Variants in PATL2 observed in about 807,000 individuals in gnomAD.
PATL2 encodes the protein protein PAT1 homolog 2.
A neutral mutation model predicts 77.0 loss-of-function variants in PATL2; 73 were observed. The observed-to-expected ratio is 0.95, with a 90% CI of 0.78 to 1.15. The LOEUF (loss-of-function observed/expected upper bound fraction) is 1.15. PATL2 is among the 50% of genes most tolerant of loss of function. The probability of loss-of-function intolerance (pLI) is 0.00; values close to 1 mark genes in which losing one functional copy is unlikely to be tolerated. For missense variants in PATL2, 618 were observed against 655.4 expected, an observed-to-expected ratio of 0.94 and a Z score of 0.62; for synonymous variants, 265 against 257.1, an observed-to-expected ratio of 1.03 and a Z score of -0.29.
At chr15:44,672,610 C>T (rs2085745603) in intron 7 of PATL2, among the ~76,000 whole-genome samples, 154 bp from the exon 8 acceptor site, 1 of 152,150 alleles carries the variant, frequency 6.6e-6, no homozygotes, top group African/African-American at 2.4e-5. Flanking sequence ...CATCATAGTC[C>T]TAGACCCACA....
At chr15:44,674,625 T>C (rs1394320682) in intron 5 of PATL2, 1 of 152,524 alleles carries the variant, frequency 6.6e-6, no homozygotes, top group Non-Finnish European at 1.5e-5. Context: ...TGGAGTGCAG[T>C]GGCACCATCA....
At chr15:44,706,362 C>T (rs2086736340) in intron 3 of PATL2, among the ~76,000 whole-genome samples, 1 of 152,236 alleles carries the variant, frequency 6.6e-6, no homozygotes, top group South Asian at 2.1e-4. Context: ...GCAGCTGTAT[C>T]TGCATTAGAG....
intron 3 of PATL2, among the ~76,000 whole-genome samples, chr15:44,696,884 T>G (rs1173642019): frequency 6.6e-6 from 1 of 152,222 alleles, no homozygotes; most frequent in African/African-American, 2.4e-5. Flanking sequence ...AATCTCCTGG[T>G]GGGCAGGGTC....
At chr15:44,676,906 G>T (rs1245092975) in intron 3 of PATL2, 29 of 1,041,954 alleles carry the variant, frequency 2.8e-5, no homozygotes, top group Non-Finnish European at 2.9e-5. Flanking sequence ...GTTATTCATA[G>T]CAGCCTGGGC....
At chr15:44,705,340 G>A (rs776783540) in intron 3 of PATL2, among the ~76,000 whole-genome samples, 16 of 152,002 alleles carry the variant, frequency 1.1e-4, no homozygotes, top group Non-Finnish European at 1.5e-4. Context: ...CTGCTGCCAC[G>A]TCCAGCTAAT....
chr15:44,669,524 A>G lies in PATL2; in HGVS notation c.916T>C (p.Tyr306His), dbSNP rs1181102897. The G allele has an allele frequency of 1.9e-6, 3 of 1,551,450 alleles. No homozygotes were observed. Among genetic ancestry groups the G allele is most frequent in the East Asian group, 2.4e-5 (1 of 40,916 alleles). ...TGATATCTCACCTTCTCAATCCGGT[A>G]TAATACCCGAAGCCTCTGACTGCTT... ...AASSQRLRVL[Y>H]RIEKMFLQLL... Residue 306 changes from tyrosine to histidine, a missense_variant, in exon 12 of 18, where the codon TAC becomes CAC. By Grantham distance (83) the Tyr-to-His change is moderately conservative. Coordinates refer to ENST00000682850, the MANE Select transcript of PATL2 (RefSeq NM_001387263.1).
chr15:44,708,070 A>G (rs771322015), intron 3 of PATL2, among the ~76,000 whole-genome samples: 4 of 152,248 alleles, frequency 2.6e-5, no homozygotes, highest in African/African-American at 4.8e-5. Flanking sequence ...CCAGAAGCAC[A>G]CATTCTCTCT....
rs1002723303 is a variant in PATL2 at position 44,669,883 on chromosome 15, G to C, written c.779-9C>G. ...ACCCTCGATTCGGACCACTGCATGA[G>C]AAGAGAGGCACATTTCCTTCCCCCT... On this transcript the variant is annotated splice_polypyrimidine_tract_variant and intron_variant, in intron 10 of 17. Coordinates refer to ENST00000682850, the MANE Select transcript of PATL2 (RefSeq NM_001387263.1). 6.8e-5 allele frequency: 105 copies of C among 1,551,370 alleles called. No individual in the cohort carries two copies. Among genetic ancestry groups the C allele is most frequent in the Non-Finnish European group, 9.1e-5 (104 of 1,146,960 alleles).
chr15:44,676,371 A>T, intron 4 of PATL2, 104 bp downstream of exon 4: 1 of 1,061,432 alleles, frequency 9.4e-7, no homozygotes, highest in Non-Finnish European at 1.4e-6. Context: ...AGAATTTGGA[A>T]TAACTTCCAG....
chr15:44,676,452 C>T (rs2085959406), intron 4 of PATL2, 23 bp downstream of exon 4: 2 of 1,538,242 alleles, frequency 1.3e-6, no homozygotes, highest in Non-Finnish European at 1.8e-6. Context: ...TTTTATATAA[C>T]ATCACGGCCC....
At position 44,675,478 on chromosome 15, in the gene PATL2, C is replaced by T. The variant is rs188516781; in HGVS notation, c.222+8G>A. On this transcript the variant is annotated splice_region_variant and intron_variant, in intron 5 of 17. Transcript: ENST00000682850. ...ACAACCCTCTCCCATTCCCTTCTGC[C>T]ATGGTACCTGGGTGTTGTGGACAGC... The T allele has an allele frequency of 1.9e-4, 302 of 1,549,834 alleles. 4 individuals carry two copies. In the African/African-American group the frequency reaches 3.5e-3, roughly 18 times the overall value.
chr15:44,692,865 C>T (rs1209847882), intron 3 of PATL2, among the ~76,000 whole-genome samples: 3 of 152,244 alleles, frequency 2.0e-5, no homozygotes, highest in African/African-American at 7.2e-5. Context: ...GCAGCACTGC[C>T]AGGACTCTGG....
At chr15:44,704,173 T>G (rs2086687419) in intron 3 of PATL2, among the ~76,000 whole-genome samples, 1 of 150,134 alleles carries the variant, frequency 6.7e-6, no homozygotes, top group Admixed American at 6.6e-5. Context: ...TTTTTTTTTT[T>G]GGTAGAGACA....
chr15:44,699,434 C>T (rs1020031278), intron 3 of PATL2, among the ~76,000 whole-genome samples: 9 of 152,098 alleles, frequency 5.9e-5, no homozygotes, highest in African/African-American at 2.2e-4. Context: ...CACCTCCTAG[C>T]TTAAAGTGAT....
intron 15 of PATL2, among the ~76,000 whole-genome samples, chr15:44,667,796 A>G (rs1415861100): frequency 2.0e-5 from 3 of 152,186 alleles, no homozygotes; most frequent in Admixed American, 6.5e-5. Context: ...TACAAAAATT[A>G]GCTGGGTGTG....
chr15:44,694,866 G>A (rs1011405160), intron 3 of PATL2, among the ~76,000 whole-genome samples: 4 of 152,030 alleles, frequency 2.6e-5, no homozygotes, highest in Non-Finnish European at 4.4e-5. Flanking sequence ...CCTTTCTTCC[G>A]AGGACCCTTA....
chr15:44,688,156 G>A (rs531270177), intron 3 of PATL2, among the ~76,000 whole-genome samples: 25 of 150,376 alleles, frequency 1.7e-4, no homozygotes, highest in Non-Finnish European at 2.4e-4. Flanking sequence ...TGAGGCAGGC[G>A]AATGGCGTGA....
intron 5 of PATL2, among the ~76,000 whole-genome samples, chr15:44,674,578 T>G (rs1467925348): frequency 6.6e-6 from 1 of 151,972 alleles, no homozygotes; most frequent in Non-Finnish European, 1.5e-5. Flanking sequence ...TAAAAAAAAT[T>G]TTTTTTAGAG....
intron 15 of PATL2, among the ~76,000 whole-genome samples, chr15:44,667,602 A>C (rs2085446918): frequency 6.6e-6 from 1 of 152,190 alleles, no homozygotes; most frequent in Non-Finnish European, 1.5e-5. Flanking sequence ...AGAGCATCAA[A>C]ATTTTCACAT....
Sources: allele counts gnomAD v4.1 joint callset (sites outside exome capture counted in the v4.1 genomes callset), GRCh38; gene constraint gnomAD v4.1.1; transcripts MANE v1.5; gene names NCBI Gene and HGNC (gene_info 2026-07-23, HGNC 2026-07-21).